Variants in DIAPH2 observed in about 807,000 individuals in gnomAD.
The protein encoded by DIAPH2 is diaphanous related formin 2.
DIAPH2 carries 35 observed loss-of-function variants against 92.7 expected under a neutral mutation model. The observed-to-expected ratio is 0.38, with a 90% CI of 0.29 to 0.50. The LOEUF is 0.50. Ranked by LOEUF, DIAPH2 falls within the 20% of genes least tolerant of loss-of-function variation. The probability of loss-of-function intolerance (pLI) is 0.94; values close to 1 mark genes in which losing one functional copy is unlikely to be tolerated. For synonymous variants in DIAPH2, 301 were observed against 280.4 expected (o/e 1.07, Z -0.73); for missense variants, 701 against 819.5 (o/e 0.86, Z 1.77).
At chrX:96,901,532 GTTT>G (rs369526046) in intron 5 of DIAPH2, among the ~76,000 whole-genome samples, 345 of 33,100 alleles carry the variant, frequency 0.01, 10 homozygotes, top group African/African-American at 0.033. Context: ...TTTTCTTTCT[GTTT>G]TTTTTTTTTT....
chrX:97,402,803 C>T (rs1396867354), intron 25 of DIAPH2, among the ~76,000 whole-genome samples: 1 of 111,792 alleles, frequency 8.9e-6, no homozygotes, highest in Non-Finnish European at 1.9e-5. Flanking sequence ...TTTATAAATA[C>T]AAAAGTAAAA....
rs767256984 is a variant in DIAPH2, at chrX:97,333,456, TAA to T, written c.2845-14659_2845-14658del. Among the ~76,000 whole-genome samples, 303 of 111,670 alleles carry T rather than the reference TAA, an allele frequency of 2.7e-3. 1 individual carries two copies. Among genetic ancestry groups the T allele is most frequent in the African/African-American group, 9.3e-3 (285 of 30,781 alleles). The stretch of plus-strand genomic sequence containing the variant: ...AAACACAAGCTCACACAAAACATAC[TAA>T]GAGTCACCCAGGCTGTAAAACTCAA... On this transcript the variant is annotated intron_variant, in intron 23 of 26. Transcript: ENST00000324765.
intron 25 of DIAPH2, among the ~76,000 whole-genome samples, chrX:97,413,835 A>G (rs949510582): frequency 8.9e-6 from 1 of 111,805 alleles, no homozygotes; most frequent in Non-Finnish European, 1.9e-5. Flanking sequence ...TAGGGATCCA[A>G]CTTACAAGGG....
chrX:96,825,344 C>T (rs1406741756), intron 4 of DIAPH2, among the ~76,000 whole-genome samples: 1 of 100,624 alleles, frequency 9.9e-6, no homozygotes, highest in Non-Finnish European at 2.0e-5. Flanking sequence ...TTGATTACTA[C>T]ATGTGTTTTC....
intron 23 of DIAPH2, among the ~76,000 whole-genome samples, chrX:97,318,517 A>G (rs1602503321): frequency 9.9e-5 from 3 of 30,410 alleles, no homozygotes; most frequent in African/African-American, 1.4e-4. Flanking sequence ...TTTGAGATGG[A>G]GTTTCTCTCT....
chrX:97,402,466 C>A (rs2069767662), intron 25 of DIAPH2, among the ~76,000 whole-genome samples: 1 of 111,462 alleles, frequency 9.0e-6, no homozygotes, highest in Non-Finnish European at 1.9e-5. Flanking sequence ...TACTTTAGAA[C>A]ATTTTGTTCA....
chrX:96,982,142 A>G (rs1319036276), intron 17 of DIAPH2, among the ~76,000 whole-genome samples: 3 of 111,791 alleles, frequency 2.7e-5, no homozygotes, highest in Non-Finnish European at 5.6e-5. Flanking sequence ...TAAGTTTTCC[A>G]TTGTGTGCCT....
intron 24 of DIAPH2, among the ~76,000 whole-genome samples, chrX:97,355,585 G>A (rs971367875): frequency 4.5e-5 from 5 of 111,053 alleles, no homozygotes; most frequent in African/African-American, 1.3e-4. Context: ...CAGTAAAATG[G>A]TAATATTCTG....
chrX:97,313,289 C>T (rs1289251006), intron 23 of DIAPH2, among the ~76,000 whole-genome samples: 1 of 112,065 alleles, frequency 8.9e-6, no homozygotes, highest in Admixed American at 9.5e-5. Flanking sequence ...GATCCATCCA[C>T]ATTGCTGGCA....
In DIAPH2 at chrX:97,312,345, C is replaced by CATTTTTT. The variant is rs202046146; in HGVS notation, c.2845-35771_2845-35770insATTTTTT. ...TTGATCACTTTTGATCAATAGAATCCTTTTTTTTTTTTTTTTTTTTTTTTT... is the reference window on the plus strand; with the variant it reads ...TTGATCACTTTTGATCAATAGAATCCATTTTTTTTTTTTTTTTTTTTTTTTTTTTTTT... On this transcript the variant is annotated intron_variant, in intron 23 of 26. Transcript: ENST00000324765. Among the ~76,000 whole-genome samples the CATTTTTT allele has an allele frequency of 1.6e-4, 9 of 54,953 alleles. 2 individuals are homozygous for CATTTTTT. The highest frequency in any genetic ancestry group is 1.5e-4 in the Non-Finnish European group (5 of 32,555). 47.7% of individuals were successfully genotyped at this position (54,953 alleles called of 115,157 possible). A position where few individuals can be genotyped will look rare whatever the true frequency, so the allele number is the denominator to read the frequency against.
intron 25 of DIAPH2, among the ~76,000 whole-genome samples, chrX:97,393,112 G>C (rs1309644023): frequency 9.0e-6 from 1 of 111,098 alleles, no homozygotes; most frequent in African/African-American, 3.3e-5. Flanking sequence ...CAAGAAAGGA[G>C]AGGAGACTAC....
At chrX:97,587,094 G>C (rs1290498483) in intron 26 of DIAPH2, among the ~76,000 whole-genome samples, 1 of 112,128 alleles carries the variant, frequency 8.9e-6, no homozygotes, top group East Asian at 2.8e-4. Flanking sequence ...CAGGCACATA[G>C]TCAATGTTCA....
chrX:97,209,236 A>G (rs1281770058), intron 22 of DIAPH2, among the ~76,000 whole-genome samples: 1 of 111,118 alleles, frequency 9.0e-6, no homozygotes, highest in Non-Finnish European at 1.9e-5. Context: ...GTTTTCCAGG[A>G]AGATTGTATC....
intron 17 of DIAPH2, among the ~76,000 whole-genome samples, chrX:97,068,574 A>C (rs2066648526): frequency 8.9e-6 from 1 of 111,758 alleles, no homozygotes; most frequent in Non-Finnish European, 1.9e-5. Context: ...TAAACCTGTC[A>C]CATGCAAAAA....
At chrX:96,813,073 C>T (rs141827991) in intron 4 of DIAPH2, among the ~76,000 whole-genome samples, 1,126 of 111,243 alleles carry the variant, frequency 0.01, 13 homozygotes, top group African/African-American at 0.034. Flanking sequence ...TGCTGGATAT[C>T]CTTGTTAACC....
At chrX:96,732,760 C>T (rs2064063715) in intron 1 of DIAPH2, among the ~76,000 whole-genome samples, 1 of 112,223 alleles carries the variant, frequency 8.9e-6, no homozygotes, top group Admixed American at 9.4e-5. Context: ...CAGGGGTCCA[C>T]ATTTGGTTTA....
chrX:96,796,747 TCAGA>T (rs1338728326), intron 4 of DIAPH2, among the ~76,000 whole-genome samples: 1 of 111,986 alleles, frequency 8.9e-6, no homozygotes, highest in African/African-American at 3.2e-5. Context: ...TTTATTCTTC[TCAGA>T]CATTTTACTT....
chrX:97,541,011 GAA>G (rs1229701424), intron 26 of DIAPH2, among the ~76,000 whole-genome samples: 9 of 111,424 alleles, frequency 8.1e-5, no homozygotes, highest in Middle Eastern at 4.6e-3. Context: ...TCAGGAGAGA[GAA>G]AAAATCTGAG....
At chrX:97,377,293 A>G (rs1197285875) in intron 24 of DIAPH2, among the ~76,000 whole-genome samples, 1 of 112,517 alleles carries the variant, frequency 8.9e-6, no homozygotes, top group Non-Finnish European at 1.9e-5. Context: ...AACCAGTAAC[A>G]TAGTCACTTA....
Sources: allele counts gnomAD v4.1 joint callset (sites outside exome capture counted in the v4.1 genomes callset), GRCh38; gene constraint gnomAD v4.1.1; transcripts MANE v1.5; gene names NCBI Gene and HGNC (gene_info 2026-07-23, HGNC 2026-07-21).